Variants in BMERB1 observed in about 807,000 individuals in gnomAD.
BMERB1 encodes bMERB domain-containing protein 1.
BMERB1 carries 12 observed loss-of-function variants against 23.6 expected under a neutral mutation model. The ratio of observed to expected loss-of-function variants is 0.51; its 90% CI spans 0.33 to 0.82. The LOEUF is 0.82. Among genes scored for constraint, BMERB1 ranks in the 40% least tolerant of loss-of-function variants. The pLI is 0.03. For synonymous variants in BMERB1, 122 were observed against 96.6 expected (o/e 1.26, Z -1.54); for missense variants, 247 against 255.4 (o/e 0.97, Z 0.22).
intron 3 of BMERB1, among the ~76,000 whole-genome samples, chr16:15,580,641 G>C (rs62036872): frequency 6.8e-6 from 1 of 147,966 alleles, no homozygotes; most frequent in Non-Finnish European, 1.5e-5. Flanking sequence ...TCCACCTCCC[G>C]GGTTCATGTC....
chr16:15,492,928 GAAAA>G, intron 1 of BMERB1, among the ~76,000 whole-genome samples: 1 of 151,074 alleles, frequency 6.6e-6, no homozygotes, highest in South Asian at 2.1e-4. Context: ...CAAAAAAAAA[GAAAA>G]AAAAGAAGAA....
At chr16:15,514,008 C>T (rs1016272670) in intron 1 of BMERB1, among the ~76,000 whole-genome samples, 2 of 152,148 alleles carry the variant, frequency 1.3e-5, no homozygotes, top group South Asian at 2.1e-4. Context: ...TGTATGCTCA[C>T]GCTTGTAATC....
chr16:15,489,145 A>G (rs1480689867), intron 1 of BMERB1, among the ~76,000 whole-genome samples: 1 of 152,180 alleles, frequency 6.6e-6, no homozygotes, highest in Non-Finnish European at 1.5e-5. Context: ...AAGGGAACAC[A>G]GTGAGCACCT....
chr16:15,489,524 C>G (rs2051399181), intron 1 of BMERB1, among the ~76,000 whole-genome samples: 1 of 152,118 alleles, frequency 6.6e-6, no homozygotes, highest in African/African-American at 2.4e-5. Flanking sequence ...TTCTGGACTT[C>G]TGTGCAGGGT....
chr16:15,514,823 G>A (rs2051725241), intron 1 of BMERB1, among the ~76,000 whole-genome samples: 2 of 152,174 alleles, frequency 1.3e-5, no homozygotes, highest in African/African-American at 2.4e-5. Flanking sequence ...GCTCACGCCT[G>A]TAATCCCAGC....
chr16:15,443,380 C>T (rs768087707), intron 1 of BMERB1, among the ~76,000 whole-genome samples: 5 of 105,020 alleles, frequency 4.8e-5, no homozygotes, highest in Non-Finnish European at 4.0e-5. Context: ...GTGGCGAAAC[C>T]CTGTCTCTAC....
intron 1 of BMERB1, among the ~76,000 whole-genome samples, chr16:15,451,946 TAAGGAA>T (rs1183840454): frequency 6.6e-6 from 1 of 151,316 alleles, no homozygotes; most frequent in Non-Finnish European, 1.5e-5. Flanking sequence ...TACAGGAACT[TAAGGAA>T]AAGGAATGTA....
At chr16:15,570,969 C>A (rs918665705) in intron 3 of BMERB1, among the ~76,000 whole-genome samples, 3 of 151,840 alleles carry the variant, frequency 2.0e-5, no homozygotes, top group African/African-American at 7.3e-5. Flanking sequence ...CCAGAGGTCA[C>A]TTTCATCGCC....
intron 1 of BMERB1, among the ~76,000 whole-genome samples, chr16:15,495,961 G>A (rs1427546084): frequency 6.7e-6 from 1 of 148,276 alleles, no homozygotes; most frequent in Non-Finnish European, 1.5e-5. Context: ...GGTGGTGATG[G>A]TGGTGGTGGC....
intron 1 of BMERB1, among the ~76,000 whole-genome samples, chr16:15,491,745 T>C (rs1036833310): frequency 6.6e-6 from 1 of 152,134 alleles, no homozygotes; most frequent in Non-Finnish European, 1.5e-5. Flanking sequence ...TCCCCCTCCG[T>C]CTTCCCAGGC....
intron 1 of BMERB1, among the ~76,000 whole-genome samples, chr16:15,454,275 A>G (rs1489814886): frequency 6.6e-6 from 1 of 152,220 alleles, no homozygotes; most frequent in African/African-American, 2.4e-5. Context: ...CATAAAGTCT[A>G]ATGTGATTCA....
At chr16:15,468,853 G>A (rs893763434) in intron 1 of BMERB1, among the ~76,000 whole-genome samples, 1 of 151,452 alleles carries the variant, frequency 6.6e-6, no homozygotes, top group African/African-American at 2.4e-5. Flanking sequence ...TTTATTTTTT[G>A]TGTAAAGCAT....
intron 1 of BMERB1, among the ~76,000 whole-genome samples, chr16:15,459,884 A>G (rs1598450427): frequency 2.0e-5 from 3 of 152,124 alleles, no homozygotes; most frequent in Admixed American, 2.0e-4. Context: ...CGTTTTAAAC[A>G]TCTGAGCTTC....
chr16:15,479,507 A>G (rs1204360190), intron 1 of BMERB1, among the ~76,000 whole-genome samples: 2 of 152,150 alleles, frequency 1.3e-5, no homozygotes, highest in East Asian at 3.8e-4. Flanking sequence ...AAATAAGAAT[A>G]TTCACAATAA....
intron 1 of BMERB1, among the ~76,000 whole-genome samples, chr16:15,442,350 T>G (rs1199416942): frequency 6.6e-6 from 1 of 151,024 alleles, no homozygotes; most frequent in African/African-American, 2.4e-5. Context: ...AAAAAAAGAA[T>G]TAGGAGAGGG....
chr16:15,567,433 A>C (rs891611119), intron 2 of BMERB1, among the ~76,000 whole-genome samples: 2 of 152,048 alleles, frequency 1.3e-5, no homozygotes, highest in African/African-American at 4.8e-5. Context: ...GACTGGAAGG[A>C]GCTCTATCGA....
At chr16:15,518,057 ATG>A (rs993460643) in intron 2 of BMERB1, among the ~76,000 whole-genome samples, 2 of 151,782 alleles carry the variant, frequency 1.3e-5, no homozygotes, top group African/African-American at 4.8e-5. Flanking sequence ...ATGTATGGAT[ATG>A]TGTGTGTGTA....
chr16:15,538,369 C>T (rs1414981263), intron 2 of BMERB1, among the ~76,000 whole-genome samples: 1 of 152,020 alleles, frequency 6.6e-6, no homozygotes, highest in African/African-American at 2.4e-5. Flanking sequence ...ACCAGGATCA[C>T]TTGAACCTGA....
At chr16:15,527,509 G>A (rs757442672) in intron 2 of BMERB1, among the ~76,000 whole-genome samples, 6 of 152,226 alleles carry the variant, frequency 3.9e-5, no homozygotes, top group African/African-American at 1.2e-4. Flanking sequence ...GGAGGCTGAG[G>A]GATGAAAATC....
Sources: gnomAD v4.1 joint callset for allele counts (sites outside exome capture counted in the v4.1 genomes callset) on GRCh38, gnomAD v4.1.1 for gene constraint, MANE v1.5 for transcripts, NCBI Gene and HGNC (gene_info 2026-07-23, HGNC 2026-07-21) for gene names.